SPOCK3: variants seen among roughly 807,000 people sequenced by gnomAD.
SPOCK3 encodes the protein SPARC (osteonectin), cwcv and kazal like domains proteoglycan 3.
Under a neutral mutation model 56.6 loss-of-function variants are expected in SPOCK3, and 30 were observed. That is an observed-to-expected ratio of 0.53 (90% confidence interval 0.40 to 0.72). The LOEUF (loss-of-function observed/expected upper bound fraction) is 0.72, where lower values mean the gene tolerates loss of function less well. Among genes scored for constraint, SPOCK3 ranks in the 30% least tolerant of loss-of-function variants. SPOCK3 has a pLI of 0.00. For missense variants in SPOCK3, 527 were observed against 530.0 expected (o/e 0.99, Z 0.06); for synonymous variants, 196 against 183.3 (o/e 1.07, Z -0.56).
chr4:167,179,462 G>A (rs1038492114), intron 2 of SPOCK3, among the ~76,000 whole-genome samples: 1 of 152,038 alleles, frequency 6.6e-6, no homozygotes, highest in African/African-American at 2.4e-5. Context: ...AGCAGTTTTG[G>A]TTCCACAAAA....
chr4:167,207,280 A>T (rs1483301653), intron 2 of SPOCK3, among the ~76,000 whole-genome samples: 1 of 152,066 alleles, frequency 6.6e-6, no homozygotes, highest in Non-Finnish European at 1.5e-5. Context: ...TGACAAAATA[A>T]ACACCTGCTT....
At chr4:166,967,699 T>C (rs1744893982) in intron 4 of SPOCK3, among the ~76,000 whole-genome samples, 2 of 152,182 alleles carry the variant, frequency 1.3e-5, no homozygotes, top group Admixed American at 6.5e-5. Flanking sequence ...GGTAATTCTT[T>C]ATTGCAGTGT....
intron 2 of SPOCK3, among the ~76,000 whole-genome samples, chr4:167,116,606 T>C (rs1232419015): frequency 3.0e-5 from 4 of 134,494 alleles, no homozygotes; most frequent in Non-Finnish European, 6.2e-5. Flanking sequence ...ACATATATAC[T>C]ATATACGTAT....
At chr4:166,821,061 T>G (rs757520015) in intron 6 of SPOCK3, among the ~76,000 whole-genome samples, 10 of 151,920 alleles carry the variant, frequency 6.6e-5, no homozygotes, top group Non-Finnish European at 1.3e-4. Context: ...TATCTGATAA[T>G]GAACTGCCAG....
chr4:167,189,410 A>G (rs1334057984), intron 2 of SPOCK3, among the ~76,000 whole-genome samples: 1 of 145,872 alleles, frequency 6.9e-6, no homozygotes, highest in African/African-American at 2.6e-5. Context: ...ATAAGTATTT[A>G]ACCAAGAAAC....
chr4:166,906,315 T>C (rs1208687664), intron 5 of SPOCK3, among the ~76,000 whole-genome samples: 1 of 152,028 alleles, frequency 6.6e-6, no homozygotes, highest in Non-Finnish European at 1.5e-5. Context: ...TATAAACGAT[T>C]CTGCAACTGG....
intron 10 of SPOCK3, among the ~76,000 whole-genome samples, chr4:166,736,871 G>A (rs1579068127): frequency 6.6e-6 from 1 of 151,938 alleles, no homozygotes. Flanking sequence ...GCTCAACTAA[G>A]CGTTACATTC....
intron 2 of SPOCK3, among the ~76,000 whole-genome samples, chr4:167,129,728 T>C (rs902134685): frequency 5.3e-5 from 8 of 152,182 alleles, no homozygotes; most frequent in African/African-American, 1.9e-4. Context: ...TACGTAAATT[T>C]AGAAGCTTGT....
At chr4:166,869,695 T>G (rs1388614651) in intron 6 of SPOCK3, among the ~76,000 whole-genome samples, 3 of 150,866 alleles carry the variant, frequency 2.0e-5, no homozygotes, top group African/African-American at 7.3e-5. Flanking sequence ...TTCAAAGTCA[T>G]TCCCATACTT....
chr4:166,965,779 C>T (rs1744670069), intron 4 of SPOCK3, among the ~76,000 whole-genome samples: 1 of 152,078 alleles, frequency 6.6e-6, no homozygotes, highest in Non-Finnish European at 1.5e-5. Context: ...TGGATCTCAA[C>T]ACCCCTATTA....
chr4:166,978,392 G>T (rs1746193838), intron 4 of SPOCK3, among the ~76,000 whole-genome samples: 1 of 152,212 alleles, frequency 6.6e-6, no homozygotes, highest in South Asian at 2.1e-4. Context: ...AGTAATAAAA[G>T]AACTTGAACA....
At chr4:166,898,970 G>A (rs1189960714) in intron 5 of SPOCK3, among the ~76,000 whole-genome samples, 3 of 151,992 alleles carry the variant, frequency 2.0e-5, no homozygotes, top group East Asian at 3.9e-4. Context: ...TATTGGTTGA[G>A]GGTCTGGATA....
chr4:167,176,901 ACAGCAGTAC>A (rs1247787699), intron 2 of SPOCK3, among the ~76,000 whole-genome samples: 1 of 152,150 alleles, frequency 6.6e-6, no homozygotes, highest in Non-Finnish European at 1.5e-5. Flanking sequence ...GCATGAGATC[ACAGCAGTAC>A]TAAGTGCAAG....
chr4:167,233,790 A>C (rs1013797711), intron 2 of SPOCK3, among the ~76,000 whole-genome samples, 195 bp downstream of exon 2: 1 of 152,108 alleles, frequency 6.6e-6, no homozygotes, highest in Non-Finnish European at 1.5e-5. Flanking sequence ...CTGTGCATCC[A>C]AGAAACAAGC....
intron 6 of SPOCK3, among the ~76,000 whole-genome samples, chr4:166,860,809 ATATATATG>A (rs1390862917): frequency 7.0e-6 from 1 of 143,312 alleles, no homozygotes; most frequent in Non-Finnish European, 1.5e-5. Context: ...ATTCATATAT[ATATATATG>A]TATATATATA....
chr4:166,979,436 C>A (rs899604217), intron 4 of SPOCK3, among the ~76,000 whole-genome samples: 6 of 152,138 alleles, frequency 3.9e-5, no homozygotes, highest in Non-Finnish European at 7.4e-5. Context: ...ATTGTTTTTT[C>A]CCCAAAATCT....
intron 6 of SPOCK3, among the ~76,000 whole-genome samples, chr4:166,821,337 T>C (rs1310257484): frequency 6.6e-6 from 1 of 152,060 alleles, no homozygotes. Flanking sequence ...CATACACTGC[T>C]GGTGAAAATG....
At chr4:166,754,295 TA>T in intron 8 of SPOCK3, 1 of 1,280,254 alleles carries the variant, frequency 7.8e-7, no homozygotes. Flanking sequence ...TACAAAATAT[TA>T]ATTACTATTT....
intron 2 of SPOCK3, among the ~76,000 whole-genome samples, chr4:167,136,371 CCTTT>C (rs546231667): frequency 1.2e-3 from 186 of 152,112 alleles, no homozygotes; most frequent in Admixed American, 3.4e-3. Flanking sequence ...TTTCTTAATA[CCTTT>C]TTTTGGGCTG....
Sources: allele counts gnomAD v4.1 joint callset (sites outside exome capture counted in the v4.1 genomes callset), GRCh38; gene constraint gnomAD v4.1.1; transcripts MANE v1.5; gene names NCBI Gene and HGNC (gene_info 2026-07-23, HGNC 2026-07-21).